FSHR: variants seen among roughly 807,000 people sequenced by gnomAD.
The protein encoded by FSHR is follicle-stimulating hormone receptor.
Under a neutral mutation model 52.1 loss-of-function variants are expected in FSHR, and 46 were observed. The observed-to-expected ratio is 0.88, with a 90% CI of 0.70 to 1.13. The LOEUF (loss-of-function observed/expected upper bound fraction) is 1.13. Among genes scored for constraint, FSHR ranks in the 50% most tolerant of loss-of-function variants. The pLI, the probability that FSHR is intolerant of heterozygous loss-of-function variation, is 0.00. For missense variants in FSHR, 964 were observed against 834.6 expected, an observed-to-expected ratio of 1.16 and a Z score of -1.91; for synonymous variants, 399 against 309.6, an observed-to-expected ratio of 1.29 and a Z score of -3.03.
chr2:48,962,469 A>C lies in FSHR; in HGVS notation c.*264T>G. On this transcript the variant is annotated 3_prime_UTR_variant, in exon 10 of 10. Transcript: ENST00000406846. ...GAGATATCTGAACAAAAGCACTTTG[A>C]ACATAACGTGCAAAAATAACATATA... 2.3e-6 allele frequency: 1 copy of C among 438,630 alleles called. No homozygotes were observed. The highest frequency in any genetic ancestry group is 4.2e-6 in the Non-Finnish European group (1 of 239,514). 27.2% of individuals were successfully genotyped at this position (438,630 alleles called of 1,614,324 possible).
Position 48,990,573 on chromosome 2 carries a change from C to A in FSHR, c.439G>T (p.Val147Phe). Residue 147 changes from valine (V) to phenylalanine (F), a missense_variant, in exon 5 of 10, where the codon GTT becomes TTT. By Grantham distance (50) the Val-to-Phe change is conservative (BLOSUM62 -1). Transcript: ENST00000406846. ...DVHKIHSLQK[V>F]LLDIQDNINI... is the part of the protein sequence containing the mutation. ...CTCAAGGAAAAAACTTACAGTAAAA[C>A]TTTTTGGAGAGAATGAATCTTGTGA... The A allele has an allele frequency of 1.2e-6, 2 of 1,608,356 alleles. No homozygotes were observed. The highest frequency in any genetic ancestry group is 1.7e-6 in the Non-Finnish European group (2 of 1,174,876).
chr2:49,003,588 AAGATAAAGTAGAAGAGATGAACAAAT>A (rs564811165), intron 4 of FSHR, among the ~76,000 whole-genome samples: 1,665 of 152,274 alleles, frequency 0.011, 24 homozygotes, highest in Non-Finnish European at 0.016. Context: ...CACGTTATGA[AAGATAAAGTAGAAGAGATGAACAAAT>A]AGATGGAAGC....
At chr2:49,031,514 A>T (rs1430449710) in intron 2 of FSHR, among the ~76,000 whole-genome samples, 1 of 152,218 alleles carries the variant, frequency 6.6e-6, no homozygotes, top group African/African-American at 2.4e-5. Flanking sequence ...AAGAAGCTAT[A>T]ATTACATGGC....
chr2:48,986,520 T>G (rs908533378), intron 6 of FSHR, among the ~76,000 whole-genome samples: 1 of 152,152 alleles, frequency 6.6e-6, no homozygotes, highest in Admixed American at 6.5e-5. Flanking sequence ...TACATGATTT[T>G]ATTGTCTATG....
chr2:49,127,904 T>C (rs1475131332), intron 1 of FSHR, among the ~76,000 whole-genome samples: 27 of 115,740 alleles, frequency 2.3e-4, no homozygotes, highest in Admixed American at 5.5e-4. Context: ...TCTTCTTTTT[T>C]TTTTTTGAGA....
intron 1 of FSHR, among the ~76,000 whole-genome samples, chr2:49,121,476 T>C (rs188457228): frequency 6.6e-6 from 1 of 152,314 alleles, no homozygotes. Context: ...TAAAAGTCCC[T>C]AGTCCTGTGC....
chr2:48,967,151 A>G (rs770001350), intron 9 of FSHR, among the ~76,000 whole-genome samples: 5 of 152,212 alleles, frequency 3.3e-5, no homozygotes, highest in Non-Finnish European at 5.9e-5. Flanking sequence ...GCTGAAGTAC[A>G]GTGGCACAAT....
chr2:48,971,268 T>C (rs1030192734), intron 8 of FSHR, among the ~76,000 whole-genome samples: 1 of 152,202 alleles, frequency 6.6e-6, no homozygotes, highest in East Asian at 1.9e-4. Flanking sequence ...TTCAATTGGG[T>C]TTAGCAAATG....
intron 1 of FSHR, among the ~76,000 whole-genome samples, chr2:49,144,808 G>A (rs970282443): frequency 6.6e-6 from 1 of 152,082 alleles, no homozygotes; most frequent in Non-Finnish European, 1.5e-5. Flanking sequence ...TGATCTGATG[G>A]TAGACAGTGA....
intron 8 of FSHR, among the ~76,000 whole-genome samples, chr2:48,980,684 A>G (rs1211865547): frequency 6.6e-6 from 1 of 152,160 alleles, no homozygotes; most frequent in East Asian, 1.9e-4. Context: ...TGTTCAATTA[A>G]ACGTATTTAT....
intron 1 of FSHR, among the ~76,000 whole-genome samples, chr2:49,104,865 G>C (rs572869774): frequency 6.7e-6 from 1 of 148,566 alleles, no homozygotes; most frequent in South Asian, 2.1e-4. Context: ...ATGGGGGGAG[G>C]GGGGGCGGGC....
intron 8 of FSHR, among the ~76,000 whole-genome samples, chr2:48,972,678 G>A (rs1674795722): frequency 6.6e-6 from 1 of 151,822 alleles, no homozygotes; most frequent in Non-Finnish European, 1.5e-5. Flanking sequence ...CCAACTCCCT[G>A]TTTTGTCTAT....
chr2:49,065,138 G>C (rs942338642), intron 2 of FSHR, among the ~76,000 whole-genome samples: 10 of 152,122 alleles, frequency 6.6e-5, no homozygotes, highest in African/African-American at 2.4e-4. Context: ...ATTCCACCTG[G>C]TGAGAGTGTA....
intron 1 of FSHR, among the ~76,000 whole-genome samples, chr2:49,073,247 T>C (rs1157700593): frequency 6.6e-6 from 1 of 151,972 alleles, no homozygotes; most frequent in African/African-American, 2.4e-5. Context: ...GTCATCCAAA[T>C]TGGAAAAGAG....
chr2:48,978,654 G>C (rs186717376), intron 8 of FSHR, among the ~76,000 whole-genome samples: 1 of 152,290 alleles, frequency 6.6e-6, no homozygotes, highest in East Asian at 1.9e-4. Context: ...CAGAATATCA[G>C]GTAAAAACTC....
chr2:49,021,882 T>TAGAG (rs1225380156), intron 2 of FSHR, among the ~76,000 whole-genome samples: 23 of 43,918 alleles, frequency 5.2e-4, no homozygotes, highest in Non-Finnish European at 6.3e-4. Context: ...TATATATATA[T>TAGAG]ATATAGAGAG....
chr2:49,007,417 T>TA (rs2104168413), intron 4 of FSHR, among the ~76,000 whole-genome samples: 1 of 152,242 alleles, frequency 6.6e-6, no homozygotes, highest in Admixed American at 6.5e-5. Flanking sequence ...TGGGAAGCAT[T>TA]ATTCAACCAG....
chr2:49,041,689 A>C (rs1259905905), intron 2 of FSHR, among the ~76,000 whole-genome samples: 1 of 152,112 alleles, frequency 6.6e-6, no homozygotes, highest in Non-Finnish European at 1.5e-5. Flanking sequence ...CAGGCAATGC[A>C]TTATTTCCTT....
At chr2:49,013,363 C>A (rs1266681299) in intron 4 of FSHR, among the ~76,000 whole-genome samples, 2 of 150,304 alleles carry the variant, frequency 1.3e-5, no homozygotes, top group East Asian at 3.9e-4. Flanking sequence ...CTGACAAAAT[C>A]TTTCAGATTT....
Sources: allele counts gnomAD v4.1 joint callset (sites outside exome capture counted in the v4.1 genomes callset), GRCh38; gene constraint gnomAD v4.1.1; transcripts MANE v1.5; gene names NCBI Gene and HGNC (gene_info 2026-07-23, HGNC 2026-07-21).